The following EBF3 variants were observed in gnomAD, a reference collection of about 807,000 sequenced individuals.
EBF3 encodes the protein EBF transcription factor 3.
In EBF3, 18 loss-of-function variants were observed where a neutral mutation model predicts 77.1. The ratio of observed to expected loss-of-function variants is 0.23; its 90% confidence interval spans 0.16 to 0.35. EBF3 has a LOEUF of 0.35. EBF3 is among the 10% of genes least tolerant of loss of function. The pLI, the probability that EBF3 is intolerant of heterozygous loss-of-function variation, is 1.00. For missense variants in EBF3, 558 were observed against 860.0 expected, an observed-to-expected ratio of 0.65 and a Z score of 4.39; for synonymous variants, 350 against 343.5, an observed-to-expected ratio of 1.02 and a Z score of -0.21.
In EBF3 at chr10:129,867,976, C is replaced by T. The variant is rs532548548; in HGVS notation, c.782-64G>A. ...CGTCCTCCTCCGACGCTGGGCCGCT[C>T]GGCCACCGCGCGTCCCGCGGCCACC... On this transcript the variant is annotated intron_variant, in intron 8 of 16. Coordinates refer to ENST00000440978, the MANE Select transcript of EBF3 (RefSeq NM_001375380.1). The T allele has an allele frequency of 3.7e-5, 58 of 1,579,924 alleles. No homozygotes were observed. In the East Asian group the frequency reaches 6.3e-4, roughly 17 times the overall value.
At chr10:129,887,589 G>A (rs1299404663) in intron 6 of EBF3, among the ~76,000 whole-genome samples, 1 of 152,144 alleles carries the variant, frequency 6.6e-6, no homozygotes. Flanking sequence ...TAATGCTGTT[G>A]GCAGCAAAGA....
At position 129,863,702 on chromosome 10, in the gene EBF3, G is replaced by A. The variant is rs1851798061; in HGVS notation, c.1039+3439C>T. Reference sequence around the variant, plus strand: ...GGGGCTGGCTCAGTTTTCAGCGGGGGAGTGCAATTCCCGGTGATTACCTCA... The same window carrying A: ...GGGGCTGGCTCAGTTTTCAGCGGGGAAGTGCAATTCCCGGTGATTACCTCA... On this transcript the variant is annotated intron_variant, in intron 10 of 16. Coordinates refer to ENST00000440978, the MANE Select transcript of EBF3 (RefSeq NM_001375380.1). The surrounding 1 kb of genome is among the most constrained non-coding windows in gnomAD (Gnocchi z 4.0). Among the ~76,000 whole-genome samples the A allele has an allele frequency of 6.6e-6, 1 of 152,200 alleles. No homozygotes were observed. The highest frequency in any genetic ancestry group is 1.5e-5 in the Non-Finnish European group (1 of 68,026).
chr10:129,925,902 G>A (rs1179128737), intron 6 of EBF3, among the ~76,000 whole-genome samples: 1 of 152,138 alleles, frequency 6.6e-6, no homozygotes, highest in African/African-American at 2.4e-5. Flanking sequence ...GGACAGTTAG[G>A]AAAGCAGCCT....
At chr10:129,959,423 G>T (rs1859309647) in intron 4 of EBF3, among the ~76,000 whole-genome samples, 1 of 152,130 alleles carries the variant, frequency 6.6e-6, no homozygotes, top group Admixed American at 6.5e-5. Flanking sequence ...TCAGGCCATT[G>T]TCTACAACGA....
intron 6 of EBF3, among the ~76,000 whole-genome samples, chr10:129,878,823 CAAA>C (rs10654202): frequency 4.9e-4 from 29 of 58,768 alleles, no homozygotes; most frequent in Admixed American, 1.3e-3. Context: ...AAATCGGTCT[CAAA>C]AAAAAAAAAA....
intron 10 of EBF3, among the ~76,000 whole-genome samples, chr10:129,854,390 T>C (rs1851101081): frequency 6.6e-6 from 1 of 152,086 alleles, no homozygotes; most frequent in African/African-American, 2.4e-5. Context: ...CTCACATGGA[T>C]GAAAAGCGGC....
intron 6 of EBF3, among the ~76,000 whole-genome samples, chr10:129,926,892 G>A (rs561495624): frequency 9.2e-5 from 14 of 152,170 alleles, no homozygotes; most frequent in Non-Finnish European, 1.9e-4. Context: ...TCCCCGAAAC[G>A]GGGCTCCAGA....
chr10:129,925,831 C>T (rs900626761), intron 6 of EBF3, among the ~76,000 whole-genome samples: 1 of 152,114 alleles, frequency 6.6e-6, no homozygotes, highest in Non-Finnish European at 1.5e-5. Flanking sequence ...CCACGCACCA[C>T]GTAGCTCCTT....
chr10:129,900,893 A>G (rs1482586824), intron 6 of EBF3, among the ~76,000 whole-genome samples: 2 of 152,210 alleles, frequency 1.3e-5, no homozygotes, highest in Non-Finnish European at 2.9e-5. Flanking sequence ...GCAAACCCAA[A>G]GGTCTTGGGA....
At position 129,836,561 on chromosome 10, in the gene EBF3, TATAAAA is replaced by T. The variant is rs1346656738; in HGVS notation, c.*1376_*1381del. Reference sequence around the variant, plus strand: ...ATTTGTTCAGATAACTTAAAAATAATATAAAAATAAACAATGAATTTGACTTTTCCT... The same window carrying T: ...ATTTGTTCAGATAACTTAAAAATAATATAAACAATGAATTTGACTTTTCCT... On this transcript the variant is annotated 3_prime_UTR_variant, in exon 17 of 17. Transcript: ENST00000440978. The T allele has an allele frequency of 2.0e-5, 3 of 147,888 alleles. No individual in the cohort carries two copies. Among genetic ancestry groups the T allele is most frequent in the South Asian group, 2.2e-4 (1 of 4,614 alleles). 9.2% of individuals were successfully genotyped at this position (147,888 alleles called of 1,614,324 possible). A position where few individuals can be genotyped will look rare whatever the true frequency, so the allele number is the denominator to read the frequency against.
At chr10:129,866,798 A>G (rs1300447769) in intron 10 of EBF3, among the ~76,000 whole-genome samples, 1 of 152,180 alleles carries the variant, frequency 6.6e-6, no homozygotes, top group Non-Finnish European at 1.5e-5. Context: ...CTAGCCCCAC[A>G]TGGAGCCAGG....
At chr10:129,958,809 T>G in intron 5 of EBF3, 125 bp downstream of exon 5, 8 of 1,302,012 alleles carry the variant, frequency 6.1e-6, no homozygotes, top group East Asian at 3.0e-5. Context: ...CTCGGGCCGA[T>G]TACATTTCAA....
rs373126759 is a variant in EBF3, at chr10:129,867,301, G to A, written c.913-34C>T. ...ACCACACGGTGAACAGGCGCTCAGC[G>A]GCGCTGGCTATGAGAGGCGGACACT... On this transcript the variant is annotated intron_variant, in intron 9 of 16. Coordinates refer to ENST00000440978, the MANE Select transcript of EBF3 (RefSeq NM_001375380.1). The A allele has an allele frequency of 1.3e-4, 207 of 1,611,618 alleles. No homozygotes were observed. The African/African-American group carries it at 1.9e-3, about 15-fold the overall frequency.
intron 5 of EBF3, 64 bp from the exon 6 acceptor site, chr10:129,957,390 T>A (rs1374717473): frequency 7.3e-6 from 10 of 1,365,076 alleles, no homozygotes; most frequent in Admixed American, 2.2e-5. Context: ...CGACTTGTAT[T>A]TTTTTTTTTT....
Position 129,943,106 on chromosome 10 carries a change from T to G in EBF3, c.554+14152A>C, listed in dbSNP as rs1857898914. On this transcript the variant is annotated intron_variant, in intron 6 of 16. Coordinates refer to ENST00000440978, the MANE Select transcript of EBF3 (RefSeq NM_001375380.1). The surrounding 1 kb of genome is among the most constrained non-coding windows in gnomAD (Gnocchi z 8.8). ...TGCACGATGGGAATGACTGGATCAC[T>G]CCACCGGCTGCTCAAGAAGCCAACA... is the stretch of plus-strand genomic sequence containing the variant. 6.6e-6 allele frequency among the ~76,000 whole-genome samples: 1 copy of G among 152,172 alleles called. No homozygotes were observed. Among genetic ancestry groups the G allele is most frequent in the Non-Finnish European group, 1.5e-5 (1 of 68,026 alleles).
chr10:129,959,867 A>C (rs1253164763), intron 4 of EBF3, among the ~76,000 whole-genome samples: 1 of 152,130 alleles, frequency 6.6e-6, no homozygotes, highest in Admixed American at 6.5e-5. Context: ...TTTGGAAAGA[A>C]AGTGCTAATG....
intron 7 of EBF3, 45 bp from the exon 8 acceptor site, chr10:129,873,641 G>T: frequency 6.9e-7 from 1 of 1,457,110 alleles, no homozygotes; most frequent in South Asian, 1.5e-5. Context: ...GCAAAGAAAA[G>T]CAGAGCCCCC....
At chr10:129,884,075 AAG>A (rs952260123) in intron 6 of EBF3, among the ~76,000 whole-genome samples, 1 of 152,136 alleles carries the variant, frequency 6.6e-6, no homozygotes, top group Non-Finnish European at 1.5e-5. Flanking sequence ...TAGAGCCTTT[AAG>A]AGACTTTTCC....
intron 8 of EBF3, 69 bp from the exon 9 acceptor site, chr10:129,867,981 A>T: frequency 1.3e-6 from 2 of 1,577,706 alleles, no homozygotes; most frequent in Non-Finnish European, 1.7e-6. Context: ...CCGCTCGGCC[A>T]CCGCGCGTCC....
Sources: gnomAD v4.1 joint callset for allele counts (sites outside exome capture counted in the v4.1 genomes callset) on GRCh38, gnomAD v4.1.1 for gene constraint, Gnocchi (gnomAD v3.1) non-coding constraint, MANE v1.5 for transcripts, NCBI Gene and HGNC (gene_info 2026-07-23, HGNC 2026-07-21) for gene names.